The following HOPX variants were observed in gnomAD, a reference collection of about 807,000 sequenced individuals.
The protein encoded by HOPX is HOP homeobox, also known as homeodomain-only protein.
A neutral mutation model predicts 11.8 loss-of-function variants in HOPX; 5 were observed. The ratio of observed to expected loss-of-function variants is 0.43; its 90% CI spans 0.22 to 0.89. HOPX has a LOEUF of 0.89. Ranked by LOEUF, HOPX falls within the 40% of genes least tolerant of loss-of-function variation. The pLI is 0.28. For missense variants in HOPX, 119 were observed against 120.0 expected (o/e 0.99, Z 0.04); for synonymous variants, 49 against 49.7 (o/e 0.99, Z 0.06).
At chr4:56,650,696 C>G in intron 3 of HOPX, 1 of 1,551,658 alleles carries the variant, frequency 6.4e-7, no homozygotes, top group Non-Finnish European at 8.7e-7. Context: ...TACACTGGGG[C>G]GGCAGTAGAG....
chr4:56,667,938 A>C lies in HOPX; in HGVS notation c.-83-10039T>G, dbSNP rs547258580. On this transcript the variant is annotated intron_variant, in intron 1 of 3. Transcript: ENST00000420433. ...TGTTGTACTGGTGTAATTATTAATA[A>C]TTTCAAGATGGAGTCTCACTCTGTC... 2.1e-4 allele frequency among the ~76,000 whole-genome samples: 32 copies of C among 149,350 alleles called. No individual in the cohort carries two copies. The East Asian group carries it at 6.1e-3, about 29-fold the overall frequency.
chr4:56,663,643 G>A (rs1157647574), intron 1 of HOPX: 3 of 152,076 alleles, frequency 2.0e-5, no homozygotes, highest in South Asian at 2.1e-4. Context: ...CTGCCACCAC[G>A]CCCGACTAAT....
chr4:56,680,733 T>C (rs1483723251), intron 1 of HOPX: 1 of 151,906 alleles, frequency 6.6e-6, no homozygotes, highest in Non-Finnish European at 1.5e-5. Flanking sequence ...TTGTTATAAA[T>C]AAGTATTATG....
At chr4:56,681,679 G>T (rs1719329904), upstream of HOPX, 1 of 999,764 alleles carries the variant, frequency 1.0e-6, no homozygotes, top group Non-Finnish European at 1.2e-6. Context: ...GTTAGATGTT[G>T]CCTCATTTCA....
chr4:56,662,360 G>A (rs1170955875), intron 1 of HOPX: 4 of 152,190 alleles, frequency 2.6e-5, no homozygotes, highest in Non-Finnish European at 4.4e-5. Context: ...TACAGCATCA[G>A]AGGAAGACTC....
chr4:56,650,594 T>C lies in HOPX; in HGVS notation c.199-1797A>G. The C allele has an allele frequency of 2.2e-6, 3 of 1,395,270 alleles. No homozygotes were observed. In the South Asian group the frequency reaches 3.8e-5, roughly 18 times the overall value. The allele number at this position is 1,395,270 out of a possible 1,614,324, so 86.4% of individuals were successfully genotyped here. A position where few individuals can be genotyped will look rare whatever the true frequency, so the allele number is the denominator to read the frequency against. On this transcript the variant is annotated intron_variant, in intron 3 of 3. Coordinates refer to ENST00000420433, the MANE Select transcript of HOPX (RefSeq NM_032495.6). ...CCACATCAATGCTAAGCAGGCTGAA[T>C]AGCATGGGAACACACCTACACCTCA... is the stretch of plus-strand genomic sequence containing the variant.
At chr4:56,650,055 T>G (rs1267795286) in intron 3 of HOPX, 3 of 153,724 alleles carry the variant, frequency 2.0e-5, no homozygotes, top group Admixed American at 6.5e-5. Context: ...TATTTGTGTG[T>G]CACTGGTGTG....
chr4:56,670,290 A>G (rs1718666549), intron 1 of HOPX, among the ~76,000 whole-genome samples: 1 of 152,236 alleles, frequency 6.6e-6, no homozygotes, highest in Non-Finnish European at 1.5e-5. Flanking sequence ...AACAAATTGT[A>G]TTATCAAATC....
chr4:56,651,490 T>G (rs1487009776), intron 3 of HOPX, among the ~76,000 whole-genome samples: 2 of 152,180 alleles, frequency 1.3e-5, no homozygotes, highest in Admixed American at 1.3e-4. Flanking sequence ...CTCTTCTTTG[T>G]TTCAGTCATC....
chr4:56,668,693 A>C (rs1198559980), intron 1 of HOPX, among the ~76,000 whole-genome samples: 1 of 152,240 alleles, frequency 6.6e-6, no homozygotes, highest in African/African-American at 2.4e-5. Flanking sequence ...TTTTGAGTAT[A>C]TAGCACTAGT....
intron 1 of HOPX, chr4:56,664,297 AT>A (rs35695887): frequency 0.052 from 7,154 of 137,896 alleles, 225 homozygotes; most frequent in Middle Eastern, 0.11. Context: ...TGCCTGGCTA[AT>A]TTTTTTTTTT....
intron 1 of HOPX, among the ~76,000 whole-genome samples, chr4:56,669,269 C>T (rs550020215): frequency 1.4e-5 from 2 of 145,674 alleles, no homozygotes; most frequent in African/African-American, 5.4e-5. Flanking sequence ...GTTTCTACTT[C>T]AAGGGACAAC....
At chr4:56,675,507 C>T (rs1422698620) in intron 1 of HOPX, among the ~76,000 whole-genome samples, 1 of 151,690 alleles carries the variant, frequency 6.6e-6, no homozygotes, top group Non-Finnish European at 1.5e-5. Context: ...CAGGTTCCTG[C>T]TCACCAGACC....
chr4:56,656,420 G>A (rs1185062457), intron 2 of HOPX: 2 of 990,932 alleles, frequency 2.0e-6, no homozygotes, highest in Non-Finnish European at 2.4e-6. Flanking sequence ...CTCCCGAAAG[G>A]GGGACCTCCC....
intron 1 of HOPX, chr4:56,679,170 AG>A (rs1200927063): frequency 6.6e-6 from 1 of 152,234 alleles, no homozygotes; most frequent in Non-Finnish European, 1.5e-5. Context: ...TGAGCCTGGG[AG>A]GCAGAGGCTG....
intron 3 of HOPX, chr4:56,650,952 C>G (rs1717114537): frequency 6.4e-6 from 5 of 778,252 alleles, no homozygotes; most frequent in Non-Finnish European, 9.8e-6. Context: ...AGCAAGGTTC[C>G]AGTTTCATTA....
chr4:56,668,700 T>A (rs1459374764), intron 1 of HOPX, among the ~76,000 whole-genome samples: 1 of 152,214 alleles, frequency 6.6e-6, no homozygotes, highest in Non-Finnish European at 1.5e-5. Flanking sequence ...TATATAGCAC[T>A]AGTTGCAGAG....
chr4:56,665,474 G>T (rs1175647036), intron 1 of HOPX: 2 of 152,148 alleles, frequency 1.3e-5, no homozygotes, highest in African/African-American at 4.8e-5. Flanking sequence ...GGAAAAAACT[G>T]CTCTGTGTTC....
chr4:56,679,636 C>G (rs909338907), intron 1 of HOPX: 2 of 152,132 alleles, frequency 1.3e-5, no homozygotes, highest in African/African-American at 2.4e-5. Context: ...CACCACCAAG[C>G]CCGCCTAATT....
Sources: gnomAD v4.1 joint callset for allele counts (sites outside exome capture counted in the v4.1 genomes callset) on GRCh38, gnomAD v4.1.1 for gene constraint, MANE v1.5 for transcripts, NCBI Gene and HGNC (gene_info 2026-07-23, HGNC 2026-07-21) for gene names.